PTF1A: variants seen among roughly 807,000 people sequenced by gnomAD.
The protein encoded by PTF1A is pancreas associated transcription factor 1a.
Under a neutral mutation model 22.6 loss-of-function variants are expected in PTF1A, and 18 were observed. That is an observed-to-expected ratio of 0.80 (90% CI 0.55 to 1.18). The LOEUF is 1.18. Among genes scored for constraint, PTF1A ranks in the 50% most tolerant of loss-of-function variants. The probability of loss-of-function intolerance (pLI) is 0.00; values close to 1 mark genes in which losing one functional copy is unlikely to be tolerated. For missense variants in PTF1A, 477 were observed against 473.0 expected (o/e 1.01, Z -0.08); for synonymous variants, 259 against 227.9 (o/e 1.14, Z -1.23).
At chr10:23,193,363 A>C (rs1297077514) in intron 1 of PTF1A, 49 bp downstream of exon 1, 2 of 1,407,358 alleles carry the variant, frequency 1.4e-6, no homozygotes, top group African/African-American at 2.9e-5. Context: ...GGGCACTCGA[A>C]GGCTCCGGAG....
intron 1 of PTF1A, 158 bp downstream of exon 1, chr10:23,193,472 T>A (rs1175825515): frequency 2.8e-5 from 23 of 822,722 alleles, no homozygotes; most frequent in Middle Eastern, 3.7e-4. Context: ...CGTTTTTTTT[T>A]TTTTTTTTAT....
rs1330378092 is a variant in PTF1A, at chr10:23,193,217, C to T, written c.687C>T (p.Gly229=). The T allele has an allele frequency of 1.5e-6, 2 of 1,316,986 alleles. No homozygotes were observed. The highest frequency in any genetic ancestry group is 5.3e-5 in the Admixed American group (2 of 37,944). The allele number at this position is 1,316,986 out of a possible 1,614,324, so 81.6% of individuals were successfully genotyped here. ...VQADLPLRGG[G]AGGCGGPGGG... ...CCGACCTGCCCTTGCGCGGCGGTGGCGCGGGCGGCTGCGGGGGGCCGGGCG... is the reference window on the plus strand; with the variant it reads ...CCGACCTGCCCTTGCGCGGCGGTGGTGCGGGCGGCTGCGGGGGGCCGGGCG... Residue 229 remains glycine (G), a synonymous_variant, in exon 1 of 2, where the codon GGC becomes GGT. Transcript: ENST00000376504.
Position 23,192,656 on chromosome 10 carries a change from G to C in PTF1A, c.126G>C (p.Leu42=). Residue 42 remains leucine (L), a synonymous_variant, in exon 1 of 2, where the codon CTG becomes CTC. Coordinates refer to ENST00000376504, the MANE Select transcript of PTF1A (RefSeq NM_178161.3). ...SRDPLEDGDE[L]LADEQAEVEF... is the part of the protein sequence containing the mutation. ...ACCCCCTGGAGGACGGCGATGAGCT[G>C]CTGGCGGACGAGCAGGCCGAGGTGG... The C allele has an allele frequency of 6.2e-7, 1 of 1,600,862 alleles. No individual in the cohort carries two copies. Among genetic ancestry groups the C allele is most frequent in the Non-Finnish European group, 8.5e-7 (1 of 1,174,380 alleles).
At position 23,192,380 on chromosome 10, in the gene PTF1A, C is replaced by G. The variant is rs1461576602; in HGVS notation, c.-151C>G. The G allele has an allele frequency of 2.8e-6, 3 of 1,072,550 alleles. No individual in the cohort carries two copies. The African/African-American group carries it at 5.1e-5, about 18-fold the overall frequency. The allele number at this position is 1,072,550 out of a possible 1,614,324, so 66.4% of individuals were successfully genotyped here. ...GGCCAGAGCGCAGCGGCCGCGGGCA[C>G]TCCAGGGAGGCCCGGGGGCGGGCAG... On this transcript the variant is annotated 5_prime_UTR_variant, in exon 1 of 2. Transcript: ENST00000376504.
rs755927793 is a variant in PTF1A, at chr10:23,193,235, G to C, written c.705G>C (p.Gly235=). 7.1e-6 allele frequency: 9 copies of C among 1,262,910 alleles called. No homozygotes were observed. In the Admixed American group the frequency reaches 1.7e-4, roughly 23 times the overall value. 78.2% of individuals were successfully genotyped at this position (1,262,910 alleles called of 1,614,324 possible). Reference sequence around the variant, plus strand: ...GCGGTGGCGCGGGCGGCTGCGGGGGGCCGGGCGGCGGCGGGCGCCTGGGCG... The same window carrying C: ...GCGGTGGCGCGGGCGGCTGCGGGGGCCCGGGCGGCGGCGGGCGCCTGGGCG... The part of the protein sequence containing the change: ...LRGGGAGGCG[G]PGGGGRLGGD... The change falls in exon 1 of 2, where the codon GGG becomes GGC. Residue 235 remains glycine, a synonymous_variant. Transcript: ENST00000376504.
Position 23,193,937 on chromosome 10 carries a change from A to G in PTF1A, c.*31A>G, listed in dbSNP as rs1289084541. 2.0e-6 allele frequency: 3 copies of G among 1,503,764 alleles called. No individual in the cohort carries two copies. In the Admixed American group the frequency reaches 5.0e-5, roughly 25 times the overall value. 93.2% of individuals were successfully genotyped at this position (1,503,764 alleles called of 1,614,324 possible). On this transcript the variant is annotated 3_prime_UTR_variant, in exon 2 of 2. Transcript: ENST00000376504. ...CCCAGACTCGGCTGAAGATCTGATT[A>G]TGTCTCTGTGCATATTGTACATGTA...
At position 23,193,112 on chromosome 10, in the gene PTF1A, C is replaced by G. The variant is rs1201656185; in HGVS notation, c.582C>G (p.Pro194=). Reference sequence around the variant, plus strand: ...TGCGCTCGCACATCCCCACGCTGCCCTACGAGAAGCGCCTCTCCAAGGTGG... The same window carrying G: ...TGCGCTCGCACATCCCCACGCTGCCGTACGAGAAGCGCCTCTCCAAGGTGG... ...EGLRSHIPTL[P]YEKRLSKVDT... is the part of the protein sequence containing the mutation. Residue 194 remains proline (P), a synonymous_variant, in exon 1 of 2, where the codon CCC becomes CCG. Transcript: ENST00000376504. 73 of 1,445,986 alleles carry G rather than the reference C, an allele frequency of 5.0e-5. No homozygotes were observed. Among genetic ancestry groups the G allele is most frequent in the Non-Finnish European group, 4.8e-5 (53 of 1,093,544 alleles). The allele number at this position is 1,445,986 out of a possible 1,614,324, so 89.6% of individuals were successfully genotyped here.
At chr10:23,193,558 G>A in intron 1 of PTF1A, 146 bp from the exon 2 acceptor site, 2 of 801,680 alleles carry the variant, frequency 2.5e-6, no homozygotes, top group Non-Finnish European at 4.3e-6. Flanking sequence ...TTCCTGGGAG[G>A]GGACGGTGGG....
rs546902463 is a variant in PTF1A at position 23,193,517 on chromosome 10, C to A, written c.785-187C>A. The A allele has an allele frequency of 2.7e-3, 1,914 of 706,894 alleles. 5 individuals carry two copies. The highest frequency in any genetic ancestry group is 3.6e-3 in the Non-Finnish European group (1,549 of 432,762). The allele number at this position is 706,894 out of a possible 1,614,324, so 43.8% of individuals were successfully genotyped here. A position where few individuals can be genotyped will look rare whatever the true frequency, so the allele number is the denominator to read the frequency against. On this transcript the variant is annotated intron_variant, in intron 1 of 1. Transcript: ENST00000376504. ...ACGTTGACCGCGGCTCTCAAGGGCGCGCGTCCCCGCCAGACTTGCAGCTCC... is the reference window on the plus strand; with the variant it reads ...ACGTTGACCGCGGCTCTCAAGGGCGAGCGTCCCCGCCAGACTTGCAGCTCC...
intron 1 of PTF1A, 160 bp downstream of exon 1, chr10:23,193,474 T>TTTA: frequency 1.2e-6 from 1 of 824,126 alleles, no homozygotes; most frequent in African/African-American, 1.8e-5. Flanking sequence ...TTTTTTTTTT[T>TTTA]TTTTTTATTT....
Position 23,192,880 on chromosome 10 carries a change from C to A in PTF1A, c.350C>A (p.Ser117Ter). The A allele has an allele frequency of 7.6e-7, 1 of 1,312,582 alleles. No individual in the cohort carries two copies. Among genetic ancestry groups the A allele is most frequent in the Non-Finnish European group, 9.7e-7 (1 of 1,028,124 alleles). The allele number at this position is 1,312,582 out of a possible 1,614,324, so 81.3% of individuals were successfully genotyped here. ...PPGGFPYSPG[S>*]PPSCLAYPCA... ...GGCGGCTTCCCCTACTCGCCCGGCT[C>A]GCCGCCCTCGTGCCTGGCCTACCCG... The change falls in exon 1 of 2, where the codon TCG becomes TAG. Residue 117 changes from serine (S) to a stop codon, truncating the protein, a stop_gained. Transcript: ENST00000376504. LOFTEE classifies it high-confidence loss of function.
At position 23,192,396 on chromosome 10, in the gene PTF1A, G is replaced by GGGCGGGCAGCCCGGC. The variant is rs1840898090; in HGVS notation, c.-131_-117dup. 1 of 1,255,504 alleles carries GGGCGGGCAGCCCGGC rather than the reference G, an allele frequency of 8.0e-7. No homozygotes were observed. Among genetic ancestry groups the GGGCGGGCAGCCCGGC allele is most frequent in the Admixed American group, 2.5e-5 (1 of 39,260 alleles). The allele number at this position is 1,255,504 out of a possible 1,614,324, so 77.8% of individuals were successfully genotyped here. A position where few individuals can be genotyped will look rare whatever the true frequency, so the allele number is the denominator to read the frequency against. ...CCGCGGGCACTCCAGGGAGGCCCGG[G>GGGCGGGCAGCCCGGC]GGCGGGCAGCCCGGCGGCCGCCTAG... On this transcript the variant is annotated 5_prime_UTR_variant, in exon 1 of 2. Transcript: ENST00000376504.
In PTF1A at chr10:23,192,564, G is replaced by C. The variant is rs1256765789; in HGVS notation, c.34G>C (p.Gly12Arg). ...DAVLLEHFPG[G>R]LDAFPSSYFD... Reference sequence around the variant, plus strand: ...GGTGTTGCTGGAGCACTTCCCCGGGGGCCTAGACGCCTTTCCTTCTTCGTA... The same window carrying C: ...GGTGTTGCTGGAGCACTTCCCCGGGCGCCTAGACGCCTTTCCTTCTTCGTA... Residue 12 changes from glycine (G) to arginine (R), a missense_variant, in exon 1 of 2, where the codon GGC becomes CGC. Physicochemically the swap from Gly to Arg is moderately radical, Grantham distance 125. Coordinates refer to ENST00000376504, the MANE Select transcript of PTF1A (RefSeq NM_178161.3). The C allele has an allele frequency of 6.3e-7, 1 of 1,597,582 alleles. No individual in the cohort carries two copies. The highest frequency in any genetic ancestry group is 8.5e-7 in the Non-Finnish European group (1 of 1,172,492).
At position 23,192,959 on chromosome 10, in the gene PTF1A, A is replaced by AGCGGCGGCT. The variant is rs921761514; in HGVS notation, c.438_446dup (p.Ala147_Ala149dup). 20 of 1,153,572 alleles carry AGCGGCGGCT rather than the reference A, an allele frequency of 1.7e-5. No individual in the cohort carries two copies. The highest frequency in any genetic ancestry group is 2.0e-5 in the Non-Finnish European group (19 of 940,572). The allele number at this position is 1,153,572 out of a possible 1,614,324, so 71.5% of individuals were successfully genotyped here. On this transcript the variant is annotated inframe_insertion, in exon 1 of 2. Transcript: ENST00000376504. ...GGGCGCGGCTGCGCGGCCTGAGCGG[A>AGCGGCGGCT]GCGGCGGCTGCGGCGGCGCGGCGCC...
In PTF1A at chr10:23,193,032, G is replaced by C; in HGVS notation, c.502G>C (p.Ala168Pro). 1 of 1,300,304 alleles carries C rather than the reference G, an allele frequency of 7.7e-7. No homozygotes were observed. The highest frequency in any genetic ancestry group is 9.9e-7 in the Non-Finnish European group (1 of 1,011,156). 80.5% of individuals were successfully genotyped at this position (1,300,304 alleles called of 1,614,324 possible). ...GGAGCTGCAGCAGCTGCGGCAGGCG[G>C]CCAACGTGCGCGAGCGGCGGCGCAT... The part of the protein sequence containing the change: ...EAELQQLRQA[A>P]NVRERRRMQS... Residue 168 changes from alanine (A) to proline (P), a missense_variant, in exon 1 of 2, where the codon GCC (alanine) becomes CCC (proline). Physicochemically the swap from Ala to Pro is conservative, Grantham distance 27. Coordinates refer to ENST00000376504, the MANE Select transcript of PTF1A (RefSeq NM_178161.3).
Position 23,192,769 on chromosome 10 carries a change from C to G in PTF1A, c.239C>G (p.Ala80Gly). The G allele has an allele frequency of 7.3e-7, 1 of 1,378,516 alleles. No homozygotes were observed. The highest frequency in any genetic ancestry group is 9.4e-7 in the Non-Finnish European group (1 of 1,066,454). 85.4% of individuals were successfully genotyped at this position (1,378,516 alleles called of 1,614,324 possible). ...LQPAPPAAPLALAPPSSGGLG... is the reference protein window; with the variant it reads ...LQPAPPAAPLGLAPPSSGGLG... ...CCCGCGCCCCCGGCCGCCCCGCTAGCGCTCGCCCCGCCGTCCTCGGGGGGC... is the reference window on the plus strand; with the variant it reads ...CCCGCGCCCCCGGCCGCCCCGCTAGGGCTCGCCCCGCCGTCCTCGGGGGGC... The change falls in exon 1 of 2, where the codon GCG (alanine) becomes GGG (glycine). Residue 80 changes from alanine (A) to glycine (G), a missense_variant. By Grantham distance (60) the Ala-to-Gly change is moderately conservative (BLOSUM62 0). Coordinates refer to ENST00000376504, the MANE Select transcript of PTF1A (RefSeq NM_178161.3).
rs1038858636 is a variant in PTF1A, at chr10:23,192,749, G to C, written c.219G>C (p.Ala73=). ...GGGCGTGCCTGCTGCTGCAGCCCGC[G>C]CCCCCGGCCGCCCCGCTAGCGCTCG... ...RDGACLLLQP[A]PPAAPLALAP... is the part of the protein sequence containing the mutation. The change falls in exon 1 of 2, where the codon GCG becomes GCC. Residue 73 remains alanine, a synonymous_variant. Transcript: ENST00000376504. 7.7e-6 allele frequency: 11 copies of C among 1,430,764 alleles called. No individual in the cohort carries two copies. The Admixed American group carries it at 2.8e-4, about 36-fold the overall frequency. The allele number at this position is 1,430,764 out of a possible 1,614,324, so 88.6% of individuals were successfully genotyped here. A position where few individuals can be genotyped will look rare whatever the true frequency, so the allele number is the denominator to read the frequency against.
Position 23,194,096 on chromosome 10 carries a change from C to T in PTF1A, c.*190C>T, listed in dbSNP as rs74121767. Reference sequence around the variant, plus strand: ...CTTTTTAAATATATAATTTATATAACTTATCCTGATTTTCTGAAAATATGC... The same window carrying T: ...CTTTTTAAATATATAATTTATATAATTTATCCTGATTTTCTGAAAATATGC... On this transcript the variant is annotated 3_prime_UTR_variant, in exon 2 of 2. Coordinates refer to ENST00000376504, the MANE Select transcript of PTF1A (RefSeq NM_178161.3). The T allele has an allele frequency of 0.015, 8,163 of 553,974 alleles. 532 individuals are homozygous for T. The highest frequency in any genetic ancestry group is 0.14 in the African/African-American group (7,327 of 52,430). The allele number at this position is 553,974 out of a possible 1,614,324, so 34.3% of individuals were successfully genotyped here.
Position 23,193,270 on chromosome 10 carries a change from C to T in PTF1A, c.740C>T (p.Pro247Leu). ...GGGGRLGGDS[P>L]GSQAQKVIIC... ...GGCGGGCGCCTGGGCGGGGACAGCC[C>T]GGGCAGCCAGGCCCAGAAGGTCATC... is the stretch of plus-strand genomic sequence containing the variant. Residue 247 changes from proline (P) to leucine (L), a missense_variant, in exon 1 of 2, where the codon CCG (proline) becomes CTG (leucine). Coordinates refer to ENST00000376504, the MANE Select transcript of PTF1A (RefSeq NM_178161.3). 6.4e-6 allele frequency: 8 copies of T among 1,247,100 alleles called. No individual in the cohort carries two copies. Among genetic ancestry groups the T allele is most frequent in the Admixed American group, 4.3e-5 (1 of 23,440 alleles). 77.3% of individuals were successfully genotyped at this position (1,247,100 alleles called of 1,614,324 possible). A position where few individuals can be genotyped will look rare whatever the true frequency, so the allele number is the denominator to read the frequency against.
Sources: allele counts gnomAD v4.1 joint callset, GRCh38; gene constraint gnomAD v4.1.1; transcripts MANE v1.5; gene names NCBI Gene and HGNC (gene_info 2026-07-23, HGNC 2026-07-21).